The following NAV3 variants were observed in gnomAD, a reference collection of about 807,000 sequenced individuals.
NAV3 encodes pore membrane and/or filament interacting like protein 1.
NAV3 carries 87 observed loss-of-function variants against 244.7 expected under a neutral mutation model. The observed-to-expected ratio is 0.36, with a 90% CI of 0.30 to 0.42. The LOEUF (loss-of-function observed/expected upper bound fraction) is 0.42, where lower values mean the gene tolerates loss of function less well. Ranked by LOEUF, NAV3 falls within the 20% of genes least tolerant of loss-of-function variation. The probability of loss-of-function intolerance (pLI) is 1.00; values close to 1 mark genes in which losing one functional copy is unlikely to be tolerated. For synonymous variants in NAV3, 1,126 were observed against 1,042.2 expected (o/e 1.08, Z -1.55); for missense variants, 2,663 against 2,893.3 (o/e 0.92, Z 1.83).
intron 37 of NAV3, 43 bp downstream of exon 37, chr12:78,199,574 A>T (rs758915234): frequency 7.0e-7 from 1 of 1,434,130 alleles, no homozygotes; most frequent in Non-Finnish European, 9.4e-7. Flanking sequence ...AGGAACTAAC[A>T]GTGCTTGGTA....
At chr12:78,049,304 C>G (rs1882367345) in intron 9 of NAV3, among the ~76,000 whole-genome samples, 1 of 152,118 alleles carries the variant, frequency 6.6e-6, no homozygotes, top group Admixed American at 6.6e-5. Context: ...GGTGTCTGCC[C>G]AGTTTTGTGC....
At chr12:77,909,830 A>T (rs1447693725) in intron 1 of NAV3, among the ~76,000 whole-genome samples, 5 of 152,130 alleles carry the variant, frequency 3.3e-5, no homozygotes, top group Non-Finnish European at 7.4e-5. Flanking sequence ...TAATGGTATC[A>T]CAATTTACTT....
chr12:77,639,637 T>A (rs959162379), intron 2 of NAV3, among the ~76,000 whole-genome samples: 1 of 152,112 alleles, frequency 6.6e-6, no homozygotes, highest in Non-Finnish European at 1.5e-5. Flanking sequence ...AGTATGAGGG[T>A]GCTCAGTGTT....
chr12:77,598,934 A>G (rs189978293), intron 2 of NAV3, among the ~76,000 whole-genome samples: 1 of 152,106 alleles, frequency 6.6e-6, no homozygotes, highest in Admixed American at 6.6e-5. Context: ...ACATTGTACA[A>G]CAAATCTCTA....
intron 1 of NAV3, among the ~76,000 whole-genome samples, chr12:77,912,276 T>C (rs1886673487): frequency 6.6e-6 from 1 of 152,092 alleles, no homozygotes; most frequent in Non-Finnish European, 1.5e-5. Context: ...GACAGAAGTT[T>C]AGACATACAC....
intron 2 of NAV3, among the ~76,000 whole-genome samples, chr12:77,723,101 GT>G (rs1290792183): frequency 6.6e-6 from 1 of 151,900 alleles, no homozygotes; most frequent in Non-Finnish European, 1.5e-5. Context: ...TGTAAAATAT[GT>G]TTATAGTGTC....
At chr12:78,084,275 C>G (rs1484141005) in intron 12 of NAV3, among the ~76,000 whole-genome samples, 1 of 152,130 alleles carries the variant, frequency 6.6e-6, no homozygotes, top group Non-Finnish European at 1.5e-5. Context: ...GTCTCATCAT[C>G]CCAGCTACCT....
At chr12:78,050,657 T>G in intron 10 of NAV3, 107 bp from the exon 11 acceptor site, 1 of 1,142,528 alleles carries the variant, frequency 8.8e-7, no homozygotes, top group Non-Finnish European at 1.2e-6. Context: ...GAAGATGACG[T>G]GTTTATAAGA....
At chr12:77,793,101 T>A (rs546662141) in intron 2 of NAV3, among the ~76,000 whole-genome samples, 1 of 152,090 alleles carries the variant, frequency 6.6e-6, no homozygotes, top group Non-Finnish European at 1.5e-5. Context: ...ATACAGAGCA[T>A]GCACTGTAGT....
chr12:77,648,711 C>T (rs1341789154), intron 2 of NAV3, among the ~76,000 whole-genome samples: 2 of 152,100 alleles, frequency 1.3e-5, no homozygotes, highest in Non-Finnish European at 2.9e-5. Context: ...ACTTTTGCCT[C>T]ATGTGAAAGA....
At chr12:78,085,545 A>T (rs550938716) in intron 12 of NAV3, among the ~76,000 whole-genome samples, 1 of 152,184 alleles carries the variant, frequency 6.6e-6, no homozygotes, top group African/African-American at 2.4e-5. Context: ...GGCAATTCAC[A>T]CTAGTTTCTT....
chr12:77,832,556 A>G (rs556216310), intron 1 of NAV3, among the ~76,000 whole-genome samples: 4 of 152,358 alleles, frequency 2.6e-5, no homozygotes, highest in African/African-American at 9.6e-5. Flanking sequence ...TGATACAGGC[A>G]TACAATGTGT....
intron 9 of NAV3, among the ~76,000 whole-genome samples, chr12:78,044,523 G>A (rs1881432607): frequency 6.6e-6 from 1 of 152,176 alleles, no homozygotes; most frequent in African/African-American, 2.4e-5. Context: ...ACTTTGGGCA[G>A]TATGACCATT....
intron 2 of NAV3, among the ~76,000 whole-genome samples, chr12:77,645,970 C>T (rs1872591530): frequency 6.6e-6 from 1 of 151,988 alleles, no homozygotes; most frequent in Non-Finnish European, 1.5e-5. Flanking sequence ...GAGGGGTGAC[C>T]TTAGGATTAC....
chr12:77,991,035 T>G (rs141262513), intron 5 of NAV3, among the ~76,000 whole-genome samples: 20 of 152,332 alleles, frequency 1.3e-4, no homozygotes, highest in African/African-American at 4.6e-4. Context: ...ATTTATTTTT[T>G]TATTTTTTCT....
intron 1 of NAV3, among the ~76,000 whole-genome samples, chr12:77,853,141 T>A (rs1478275157): frequency 6.6e-6 from 1 of 152,242 alleles, no homozygotes; most frequent in Non-Finnish European, 1.5e-5. Context: ...TGCCCTCTGG[T>A]ATCACCATTG....
intron 2 of NAV3, among the ~76,000 whole-genome samples, chr12:77,643,766 A>C (rs962918464): frequency 2.0e-5 from 3 of 152,038 alleles, no homozygotes; most frequent in East Asian, 3.8e-4. Flanking sequence ...CCCAAGTTAC[A>C]TTTCCTATTA....
intron 2 of NAV3, among the ~76,000 whole-genome samples, chr12:77,657,437 A>G (rs1231199919): frequency 6.6e-6 from 1 of 152,046 alleles, no homozygotes; most frequent in Non-Finnish European, 1.5e-5. Context: ...TAGACCAATA[A>G]CAGGAGCTGA....
chr12:78,024,228 C>T (rs1237767301), intron 9 of NAV3, among the ~76,000 whole-genome samples: 1 of 152,176 alleles, frequency 6.6e-6, no homozygotes, highest in Non-Finnish European at 1.5e-5. Context: ...GCCTCTCTCT[C>T]ACTTAATTGT....
Sources: gnomAD v4.1 joint callset for allele counts (sites outside exome capture counted in the v4.1 genomes callset) on GRCh38, gnomAD v4.1.1 for gene constraint, MANE v1.5 for transcripts, NCBI Gene and HGNC (gene_info 2026-07-23, HGNC 2026-07-21) for gene names.